The following VAV2 variants were observed in gnomAD, a reference collection of about 807,000 sequenced individuals.
VAV2 encodes the protein vav guanine nucleotide exchange factor 2, also known as guanine nucleotide exchange factor VAV2.
A neutral mutation model predicts 132.5 loss-of-function variants in VAV2; 67 were observed. The ratio of observed to expected loss-of-function variants is 0.51; its 90% confidence interval spans 0.42 to 0.62. The LOEUF (loss-of-function observed/expected upper bound fraction) is 0.62, where lower values mean the gene tolerates loss of function less well. Among genes scored for constraint, VAV2 ranks in the 20% least tolerant of loss-of-function variants. The pLI, the probability that VAV2 is intolerant of heterozygous loss-of-function variation, is 0.00. For missense variants in VAV2, 938 were observed against 1,153.6 expected (o/e 0.81, Z 2.71); for synonymous variants, 492 against 443.5 (o/e 1.11, Z -1.37).
intron 2 of VAV2, among the ~76,000 whole-genome samples, chr9:133,890,495 T>C (rs1838889974): frequency 6.6e-6 from 1 of 152,106 alleles, no homozygotes; most frequent in African/African-American, 2.4e-5. Context: ...GCCACGGCTC[T>C]CCCTAGCTGG....
intron 2 of VAV2, among the ~76,000 whole-genome samples, chr9:133,923,536 C>G (rs1211597761): frequency 6.6e-6 from 1 of 152,196 alleles, no homozygotes; most frequent in African/African-American, 2.4e-5. Flanking sequence ...CGCTTTTACA[C>G]TGTTGGTGGG....
intron 3 of VAV2, chr9:133,861,132 G>T (rs891274462): frequency 6.5e-6 from 3 of 459,458 alleles, no homozygotes; most frequent in South Asian, 3.9e-5. Flanking sequence ...TACCTAAATC[G>T]AAAGAGATTT....
At chr9:133,872,195 C>T (rs543808708) in intron 2 of VAV2, among the ~76,000 whole-genome samples, 428 of 152,092 alleles carry the variant, frequency 2.8e-3, no homozygotes, top group African/African-American at 9.6e-3. Flanking sequence ...TGAACCAGGG[C>T]GTCAGTGACC....
intron 2 of VAV2, among the ~76,000 whole-genome samples, chr9:133,891,312 AG>A (rs1264227489): frequency 5.2e-5 from 3 of 57,166 alleles, no homozygotes; most frequent in Non-Finnish European, 3.3e-5. Flanking sequence ...TGGGGGATGG[AG>A]GGGGAGACAG....
At chr9:133,895,578 A>G (rs1354412031) in intron 2 of VAV2, among the ~76,000 whole-genome samples, 1 of 152,172 alleles carries the variant, frequency 6.6e-6, no homozygotes, top group Non-Finnish European at 1.5e-5. Context: ...TTCCATTTAT[A>G]GGAAGTTTCC....
chr9:133,823,864 C>T lies in VAV2; in HGVS notation c.449+10408G>A, dbSNP rs1284610623. On this transcript the variant is annotated intron_variant, in intron 4 of 29. Transcript: ENST00000371850. The surrounding 1 kb of genome is among the most constrained non-coding windows in gnomAD (Gnocchi z 5.5). ...CTGGAAGTCCCAGGCCATACCTGCT[C>T]ACACACACACGGGAATGCGGAGCGG... 1.3e-5 allele frequency among the ~76,000 whole-genome samples: 2 copies of T among 152,094 alleles called. No homozygotes were observed. The highest frequency in any genetic ancestry group is 2.9e-5 in the Non-Finnish European group (2 of 68,024).
Position 133,776,097 on chromosome 9 carries a change from A to G in VAV2, c.1966-17T>C. On this transcript the variant is annotated splice_polypyrimidine_tract_variant and intron_variant, in intron 23 of 29. Coordinates refer to ENST00000371850, the MANE Select transcript of VAV2 (RefSeq NM_001134398.2). ...GATGGGCGGCTGGTGGCAGAGCACA[A>G]GAGTGTTAACGGCCCCCCAGGGCCA... 1 of 1,612,492 alleles carries G rather than the reference A, an allele frequency of 6.2e-7. No homozygotes were observed. Among genetic ancestry groups the G allele is most frequent in the Non-Finnish European group, 8.5e-7 (1 of 1,179,666 alleles).
At chr9:133,872,321 A>G (rs932813354) in intron 2 of VAV2, among the ~76,000 whole-genome samples, 8 of 152,282 alleles carry the variant, frequency 5.3e-5, no homozygotes, top group African/African-American at 1.9e-4. Flanking sequence ...CACGTCCTCC[A>G]TGTTTCCATG....
intron 25 of VAV2, among the ~76,000 whole-genome samples, chr9:133,773,298 A>G (rs1012888436): frequency 1.5e-5 from 2 of 136,306 alleles, no homozygotes; most frequent in African/African-American, 5.3e-5. Context: ...TGGTAAAAAC[A>G]CAGTAGAAAA....
intron 2 of VAV2, among the ~76,000 whole-genome samples, chr9:133,936,690 C>T (rs1392334113): frequency 7.9e-5 from 12 of 152,216 alleles, no homozygotes; most frequent in Non-Finnish European, 1.8e-4. Context: ...CTGTGGACCT[C>T]ATCCAGTCTC....
chr9:133,833,474 C>T lies in VAV2; in HGVS notation c.449+798G>A, dbSNP rs1223744794. ...GCTGCTGTCAAACAGCTCCAGAGGC[C>T]CCCAGGCAGCAAGGATGCCCGAAGG... is the stretch of plus-strand genomic sequence containing the variant. On this transcript the variant is annotated intron_variant, in intron 4 of 29. Coordinates refer to ENST00000371850, the MANE Select transcript of VAV2 (RefSeq NM_001134398.2). The surrounding 1 kb of genome is among the most constrained non-coding windows in gnomAD (Gnocchi z 5.6). Among the ~76,000 whole-genome samples the T allele has an allele frequency of 6.6e-6, 1 of 152,204 alleles. No individual in the cohort carries two copies. The highest frequency in any genetic ancestry group is 2.4e-5 in the African/African-American group (1 of 41,454).
At chr9:133,844,062 CCT>C (rs140049859) in intron 3 of VAV2, among the ~76,000 whole-genome samples, 2,166 of 152,234 alleles carry the variant, frequency 0.014, 27 homozygotes, top group African/African-American at 0.036. Flanking sequence ...TGTTTCTGCC[CCT>C]GTTTCCAGAA....
chr9:133,788,250 A>G lies in VAV2; in HGVS notation c.1407+104T>C, dbSNP rs1834311622. 9.6e-7 allele frequency: 1 copy of G among 1,041,280 alleles called. No individual in the cohort carries two copies. Among genetic ancestry groups the G allele is most frequent in the South Asian group, 1.4e-5 (1 of 69,314 alleles). The allele number at this position is 1,041,280 out of a possible 1,614,324, so 64.5% of individuals were successfully genotyped here. A position where few individuals can be genotyped will look rare whatever the true frequency, so the allele number is the denominator to read the frequency against. On this transcript the variant is annotated intron_variant, in intron 15 of 29. Coordinates refer to ENST00000371850, the MANE Select transcript of VAV2 (RefSeq NM_001134398.2). The surrounding 1 kb of genome is among the most constrained non-coding windows in gnomAD (Gnocchi z 5.3). ...CACCCCAACCCACCCGGCCAGCATC[A>G]GCGGCTGACTTCGAGTCCCCTTCCC...
rs369326618 is a variant in VAV2, at chr9:133,941,301, G to A, written c.205-2082C>T. Reference sequence around the variant, plus strand: ...CGCACACCTGTAGTCCCAGCTACTCGGGAGGCTGCGGCAAGAGAATCATTT... The same window carrying A: ...CGCACACCTGTAGTCCCAGCTACTCAGGAGGCTGCGGCAAGAGAATCATTT... On this transcript the variant is annotated intron_variant, in intron 1 of 29. Coordinates refer to ENST00000371850, the MANE Select transcript of VAV2 (RefSeq NM_001134398.2). 6.6e-5 allele frequency among the ~76,000 whole-genome samples: 10 copies of A among 152,052 alleles called. No individual in the cohort carries two copies. In the East Asian group the frequency reaches 9.7e-4, roughly 15 times the overall value.
chr9:133,805,385 G>A (rs935059150), intron 9 of VAV2, among the ~76,000 whole-genome samples: 2 of 152,162 alleles, frequency 1.3e-5, no homozygotes, highest in African/African-American at 2.4e-5. Context: ...AAGGATCCCC[G>A]AGGGACAGAG....
chr9:133,983,575 T>C (rs1314570863), intron 1 of VAV2, among the ~76,000 whole-genome samples: 1 of 152,074 alleles, frequency 6.6e-6, no homozygotes. Flanking sequence ...ACACCCAGCA[T>C]TCCTCCCGGT....
intron 2 of VAV2, among the ~76,000 whole-genome samples, chr9:133,927,115 G>A (rs931239830): frequency 2.0e-5 from 3 of 151,768 alleles, no homozygotes; most frequent in Admixed American, 6.6e-5. Context: ...ACCAGTGGTG[G>A]CAAGAACAAG....
intron 3 of VAV2, among the ~76,000 whole-genome samples, chr9:133,859,316 G>A (rs1010200131): frequency 6.6e-6 from 1 of 152,218 alleles, no homozygotes; most frequent in Non-Finnish European, 1.5e-5. Flanking sequence ...GGAGGGCAGC[G>A]GCATCGAGAG....
At chr9:133,831,824 C>A (rs1414172314) in intron 4 of VAV2, among the ~76,000 whole-genome samples, 1 of 152,238 alleles carries the variant, frequency 6.6e-6, no homozygotes, top group Non-Finnish European at 1.5e-5. Context: ...GGGGCACAGG[C>A]TCTGTGTGGT....
Sources: allele counts gnomAD v4.1 joint callset (sites outside exome capture counted in the v4.1 genomes callset), GRCh38; gene constraint gnomAD v4.1.1; non-coding constraint Gnocchi (gnomAD v3.1); transcripts MANE v1.5; gene names NCBI Gene and HGNC (gene_info 2026-07-23, HGNC 2026-07-21).